FAM78B: variants seen among roughly 807,000 people sequenced by gnomAD.
The protein encoded by FAM78B is protein FAM78B.
A neutral mutation model predicts 20.0 loss-of-function variants in FAM78B; 10 were observed. The observed-to-expected ratio is 0.50, with a 90% CI of 0.31 to 0.85. The LOEUF (loss-of-function observed/expected upper bound fraction) is 0.85. FAM78B is among the 40% of genes least tolerant of loss of function. FAM78B has a pLI of 0.05. For synonymous variants in FAM78B, 135 were observed against 132.8 expected (o/e 1.02, Z -0.12); for missense variants, 283 against 345.0 (o/e 0.82, Z 1.42).
At chr1:166,153,511 T>C (rs988625693) in intron 1 of FAM78B, among the ~76,000 whole-genome samples, 24 of 152,170 alleles carry the variant, frequency 1.6e-4, no homozygotes, top group East Asian at 7.7e-4. Flanking sequence ...CTGTGAGTTA[T>C]AGGACTTGGA....
chr1:166,107,653 T>C lies in FAM78B; in HGVS notation c.264-36890A>G, dbSNP rs141236758. 2.3e-4 allele frequency among the ~76,000 whole-genome samples: 35 copies of C among 152,258 alleles called. No homozygotes were observed. The East Asian group carries it at 6.8e-3, about 29-fold the overall frequency. ...CCTAATTCATTCTATGAAGCCAGTA[T>C]CACCCTAATACCAAAACCAGAAAAG... On this transcript the variant is annotated intron_variant, in intron 1 of 1. Coordinates refer to ENST00000354422, the MANE Select transcript of FAM78B (RefSeq NM_001017961.5).
At chr1:166,127,858 T>G (rs1571187909) in intron 1 of FAM78B, among the ~76,000 whole-genome samples, 1 of 152,260 alleles carries the variant, frequency 6.6e-6, no homozygotes, top group Non-Finnish European at 1.5e-5. Flanking sequence ...AGATCACACC[T>G]CACCTGCAAT....
At chr1:166,107,320 T>C (rs1455999603) in intron 1 of FAM78B, among the ~76,000 whole-genome samples, 2 of 152,054 alleles carry the variant, frequency 1.3e-5, no homozygotes, top group Non-Finnish European at 2.9e-5. Flanking sequence ...ACAGGAGATA[T>C]TACAACTGAC....
At chr1:166,110,791 T>C (rs1374859175) in intron 1 of FAM78B, among the ~76,000 whole-genome samples, 1 of 152,184 alleles carries the variant, frequency 6.6e-6, no homozygotes, top group Non-Finnish European at 1.5e-5. Flanking sequence ...CAACTGAGCA[T>C]ATTTAGACTT....
At chr1:166,125,284 CCT>C (rs1366606771) in intron 1 of FAM78B, among the ~76,000 whole-genome samples, 2 of 152,246 alleles carry the variant, frequency 1.3e-5, no homozygotes, top group East Asian at 3.9e-4. Flanking sequence ...TTGGATGCCC[CCT>C]GACTCGGTTT....
At chr1:166,148,313 C>T (rs1655542167) in intron 1 of FAM78B, among the ~76,000 whole-genome samples, 1 of 152,158 alleles carries the variant, frequency 6.6e-6, no homozygotes, top group Admixed American at 6.5e-5. Flanking sequence ...CCAGCTTTCC[C>T]AAGCCCTGCT....
chr1:166,102,120 C>G (rs1402605457), intron 1 of FAM78B, among the ~76,000 whole-genome samples: 2 of 152,038 alleles, frequency 1.3e-5, no homozygotes, highest in African/African-American at 2.4e-5. Context: ...AGCTTCATAA[C>G]CAAAGGAGAA....
intron 1 of FAM78B, among the ~76,000 whole-genome samples, chr1:166,085,930 G>A (rs1652809851): frequency 2.0e-5 from 3 of 152,194 alleles, no homozygotes; most frequent in Non-Finnish European, 4.4e-5. Flanking sequence ...AGAAGATCAA[G>A]ACAGGCTAGA....
intron 1 of FAM78B, among the ~76,000 whole-genome samples, chr1:166,088,761 G>A (rs898762807): frequency 6.6e-6 from 1 of 152,114 alleles, no homozygotes; most frequent in African/African-American, 2.4e-5. Context: ...GGCCAACCAC[G>A]GGGAGGGGCA....
chr1:166,118,021 C>G (rs545068886), intron 1 of FAM78B, among the ~76,000 whole-genome samples: 10 of 152,226 alleles, frequency 6.6e-5, no homozygotes, highest in Non-Finnish European at 1.5e-4. Context: ...CTGAGGTGGT[C>G]CTTTGAAGCA....
intron 1 of FAM78B, among the ~76,000 whole-genome samples, chr1:166,119,371 C>CTTTG (rs1654381761): frequency 6.6e-6 from 1 of 152,206 alleles, no homozygotes; most frequent in South Asian, 2.1e-4. Context: ...ATTTACCTTT[C>CTTTG]TTTGACATGA....
chr1:166,123,763 GGT>G (rs768092651), intron 1 of FAM78B, among the ~76,000 whole-genome samples: 56 of 152,294 alleles, frequency 3.7e-4, no homozygotes, highest in Non-Finnish European at 6.5e-4. Context: ...GTGAGGAAGA[GGT>G]GTTTAGAGAC....
At chr1:166,148,030 C>T (rs943634485) in intron 1 of FAM78B, 3 of 152,176 alleles carry the variant, frequency 2.0e-5, no homozygotes, top group African/African-American at 7.2e-5. Flanking sequence ...ATGCTCCTCT[C>T]CATTGTGGTA....
intron 1 of FAM78B, among the ~76,000 whole-genome samples, chr1:166,141,643 A>G (rs1273012157): frequency 6.6e-6 from 1 of 152,224 alleles, no homozygotes; most frequent in African/African-American, 2.4e-5. Flanking sequence ...ACAGATGAGT[A>G]AAGTGTATTC....
chr1:166,104,935 T>C (rs968248225), intron 1 of FAM78B, among the ~76,000 whole-genome samples: 4 of 152,182 alleles, frequency 2.6e-5, no homozygotes, highest in Non-Finnish European at 4.4e-5. Flanking sequence ...GGAGGCATCA[T>C]GCTACCTGAC....
chr1:166,137,577 G>A (rs1655115126), intron 1 of FAM78B, among the ~76,000 whole-genome samples: 1 of 151,620 alleles, frequency 6.6e-6, no homozygotes, highest in Admixed American at 6.6e-5. Flanking sequence ...ATGGATAAAT[G>A]TGCTCCCTGT....
rs112724422 is a variant in FAM78B, at chr1:166,093,662, G to A, written c.264-22899C>T. 9.9e-5 allele frequency among the ~76,000 whole-genome samples: 15 copies of A among 152,168 alleles called. 1 individual carries two copies. Among genetic ancestry groups the A allele is most frequent in the African/African-American group, 3.6e-4 (15 of 41,518 alleles). On this transcript the variant is annotated intron_variant, in intron 1 of 1. Coordinates refer to ENST00000354422, the MANE Select transcript of FAM78B (RefSeq NM_001017961.5). The stretch of plus-strand genomic sequence containing the variant: ...ACTCATGAGAGAAAAGTATTTCAGG[G>A]CAATTCTTTGCAGAATAAAAGAATT...
intron 1 of FAM78B, among the ~76,000 whole-genome samples, chr1:166,118,891 G>C (rs1048282357): frequency 1.3e-5 from 2 of 152,132 alleles, no homozygotes; most frequent in African/African-American, 4.8e-5. Flanking sequence ...CAGCTCCTCT[G>C]CTGATGTGCA....
intron 1 of FAM78B, among the ~76,000 whole-genome samples, chr1:166,128,932 G>A (rs1197145531): frequency 6.6e-6 from 1 of 152,210 alleles, no homozygotes; most frequent in Non-Finnish European, 1.5e-5. Context: ...TGTATAGAGT[G>A]CTGGAATGAA....
Sources: allele counts gnomAD v4.1 joint callset (sites outside exome capture counted in the v4.1 genomes callset), GRCh38; gene constraint gnomAD v4.1.1; transcripts MANE v1.5; gene names NCBI Gene and HGNC (gene_info 2026-07-23, HGNC 2026-07-21).